The following PAK1 variants were observed in gnomAD, a reference collection of about 807,000 sequenced individuals.
PAK1 encodes the protein p21 (RAC1) activated kinase 1.
PAK1 carries 29 observed loss-of-function variants against 67.4 expected under a neutral mutation model. That is an observed-to-expected ratio of 0.43 (90% confidence interval 0.32 to 0.59). The LOEUF (loss-of-function observed/expected upper bound fraction) is 0.59, where lower values mean the gene tolerates loss of function less well. Ranked by LOEUF, PAK1 falls within the 20% of genes least tolerant of loss-of-function variation. PAK1 has a pLI of 0.07. For missense variants in PAK1, 337 were observed against 670.7 expected (o/e 0.50, Z 5.50); for synonymous variants, 223 against 237.4 (o/e 0.94, Z 0.56).
At chr11:77,421,504 TTGGC>T (rs916765573) in intron 1 of PAK1, among the ~76,000 whole-genome samples, 2 of 152,270 alleles carry the variant, frequency 1.3e-5, no homozygotes, top group African/African-American at 4.8e-5. Context: ...TATTTGCCTA[TTGGC>T]TGGCTCCCTC....
At chr11:77,351,329 A>G (rs1301724870) in intron 8 of PAK1, among the ~76,000 whole-genome samples, 1 of 152,086 alleles carries the variant, frequency 6.6e-6, no homozygotes, top group African/African-American at 2.4e-5. Flanking sequence ...AAAAGTCACA[A>G]AAGTTCTGGA....
the PAK1 span, among the ~76,000 whole-genome samples, chr11:77,486,901 C>T: frequency 6.6e-6 from 1 of 152,176 alleles, no homozygotes; most frequent in Non-Finnish European, 1.5e-5. Context: ...TCGGCAAGTC[C>T]GGGTGCTGTT....
At chr11:77,373,075 C>T (rs1948639935) in intron 5 of PAK1, among the ~76,000 whole-genome samples, 1 of 152,202 alleles carries the variant, frequency 6.6e-6, no homozygotes, top group Non-Finnish European at 1.5e-5. Context: ...TTGAGGTCTT[C>T]AACCTCAAGA....
At chr11:77,350,701 G>A (rs1821034445) in intron 8 of PAK1, among the ~76,000 whole-genome samples, 1 of 152,176 alleles carries the variant, frequency 6.6e-6, no homozygotes, top group African/African-American at 2.4e-5. Flanking sequence ...ATGCCTTGCA[G>A]CTAGAAACTA....
chr11:77,497,266 T>G, the PAK1 span, among the ~76,000 whole-genome samples: 1 of 152,216 alleles, frequency 6.6e-6, no homozygotes, highest in African/African-American at 2.4e-5. Context: ...ATGAATAAAA[T>G]ATAATTATTG....
intron 1 of PAK1, among the ~76,000 whole-genome samples, chr11:77,444,265 G>C: frequency 6.8e-6 from 1 of 147,034 alleles, no homozygotes; most frequent in Middle Eastern, 3.2e-3. Context: ...CTGCAACCAG[G>C]TACGTAAACC....
chr11:77,428,788 C>G (rs943878964), intron 1 of PAK1, among the ~76,000 whole-genome samples: 2 of 151,424 alleles, frequency 1.3e-5, no homozygotes, highest in Admixed American at 1.3e-4. Flanking sequence ...GGAAGGCATC[C>G]GTATCAGGAG....
chr11:77,461,388 T>C (rs1306745753), intron 1 of PAK1, among the ~76,000 whole-genome samples: 3 of 152,196 alleles, frequency 2.0e-5, no homozygotes, highest in Non-Finnish European at 1.5e-5. Flanking sequence ...GTAAAGAATA[T>C]TATCCTCCAT....
At chr11:77,471,482 T>C (rs111483364) in intron 1 of PAK1, among the ~76,000 whole-genome samples, 24 of 152,274 alleles carry the variant, frequency 1.6e-4, no homozygotes, top group African/African-American at 5.5e-4. Flanking sequence ...ACTCATTCTA[T>C]GCAGGAAAAG....
At chr11:77,453,813 G>T (rs1408256831) in intron 1 of PAK1, among the ~76,000 whole-genome samples, 1 of 152,136 alleles carries the variant, frequency 6.6e-6, no homozygotes, top group African/African-American at 2.4e-5. Context: ...GGGTGCGGTG[G>T]CTCACACCTG....
the PAK1 span, among the ~76,000 whole-genome samples, chr11:77,509,684 T>C: frequency 6.6e-6 from 1 of 152,206 alleles, no homozygotes; most frequent in Non-Finnish European, 1.5e-5. Context: ...GCGCTGTCTT[T>C]GTGATCGTGA....
intron 7 of PAK1, 92 bp downstream of exon 7, chr11:77,355,576 C>A (rs1441267471): frequency 5.8e-5 from 60 of 1,034,566 alleles, no homozygotes; most frequent in Non-Finnish European, 7.3e-5. Flanking sequence ...GCATGGCCAG[C>A]CAGCTGCATG....
the PAK1 span, among the ~76,000 whole-genome samples, chr11:77,510,565 T>A: frequency 6.6e-6 from 1 of 152,212 alleles, no homozygotes; most frequent in Admixed American, 6.5e-5. Context: ...TAGGCTCTTC[T>A]TAGGACAATG....
chr11:77,336,633 C>T (rs150712571), intron 12 of PAK1, among the ~76,000 whole-genome samples: 25 of 152,262 alleles, frequency 1.6e-4, no homozygotes, highest in African/African-American at 5.5e-4. Flanking sequence ...CCAAATCTGG[C>T]GACTAGGTCC....
intron 1 of PAK1, among the ~76,000 whole-genome samples, chr11:77,399,579 G>T (rs1467275746): frequency 1.3e-5 from 2 of 152,098 alleles, no homozygotes; most frequent in African/African-American, 2.4e-5. Flanking sequence ...AATAAGATTG[G>T]CCGGGCGCGG....
chr11:77,333,478 G>A (rs1389180401), intron 13 of PAK1, among the ~76,000 whole-genome samples: 2 of 152,104 alleles, frequency 1.3e-5, no homozygotes, highest in African/African-American at 4.8e-5. Context: ...GATTACAGGC[G>A]TGAGTCACTG....
At chr11:77,472,581 T>G (rs981075765) in intron 1 of PAK1, among the ~76,000 whole-genome samples, 2 of 152,148 alleles carry the variant, frequency 1.3e-5, no homozygotes, top group Non-Finnish European at 2.9e-5. Context: ...CTGCTCAAGG[T>G]CACACAAGAA....
chr11:77,459,890 G>T (rs1386074286), intron 1 of PAK1, among the ~76,000 whole-genome samples: 1 of 151,694 alleles, frequency 6.6e-6, no homozygotes, highest in Non-Finnish European at 1.5e-5. Flanking sequence ...TAGAGACGGG[G>T]TTTCACCGTG....
chr11:77,505,256 C>T, the PAK1 span, among the ~76,000 whole-genome samples: 4 of 151,638 alleles, frequency 2.6e-5, no homozygotes, highest in Non-Finnish European at 2.9e-5. Flanking sequence ...GGTGCAATCT[C>T]AGCTCACTGC....
Sources: allele counts gnomAD v4.1 joint callset (sites outside exome capture counted in the v4.1 genomes callset), GRCh38; gene constraint gnomAD v4.1.1; transcripts MANE v1.5; gene names NCBI Gene and HGNC (gene_info 2026-07-23, HGNC 2026-07-21).